NUBPL: variants seen among roughly 807,000 people sequenced by gnomAD.
The protein encoded by NUBPL is NUBP iron-sulfur cluster assembly factor, mitochondrial, also known as iron-sulfur cluster transfer protein NUBPL.
A neutral mutation model predicts 45.7 loss-of-function variants in NUBPL; 31 were observed. The ratio of observed to expected loss-of-function variants is 0.68; its 90% CI spans 0.51 to 0.92. The LOEUF (loss-of-function observed/expected upper bound fraction) is 0.92, where lower values mean the gene tolerates loss of function less well. Among genes scored for constraint, NUBPL ranks in the 40% least tolerant of loss-of-function variants. NUBPL has a pLI of 0.00. For missense variants in NUBPL, 401 were observed against 398.7 expected (o/e 1.01, Z -0.05); for synonymous variants, 144 against 140.9 (o/e 1.02, Z -0.15).
chr14:31,841,839 A>G (rs1181116913), intron 8 of NUBPL, among the ~76,000 whole-genome samples: 2 of 141,430 alleles, frequency 1.4e-5, no homozygotes, highest in Non-Finnish European at 3.0e-5. Flanking sequence ...TATTTTATAT[A>G]TGGATATCCA....
intron 4 of NUBPL, among the ~76,000 whole-genome samples, chr14:31,669,798 T>TTTTTTTG (rs2036527734): frequency 5.7e-5 from 1 of 17,522 alleles, no homozygotes; most frequent in Non-Finnish European, 1.3e-4. Flanking sequence ...ATGATCTTGG[T>TTTTTTTG]TTTTTTTTTT....
intron 6 of NUBPL, among the ~76,000 whole-genome samples, chr14:31,777,703 T>C (rs146116769): frequency 6.6e-6 from 1 of 152,298 alleles, no homozygotes; most frequent in African/African-American, 2.4e-5. Flanking sequence ...AGGTGTCCCT[T>C]TCAGAGATTT....
At chr14:31,574,585 T>C (rs1365559478) in intron 3 of NUBPL, among the ~76,000 whole-genome samples, 1 of 128,314 alleles carries the variant, frequency 7.8e-6, no homozygotes, top group African/African-American at 3.0e-5. Flanking sequence ...TTTCCTTCTT[T>C]TTTTTTTTTT....
At chr14:31,733,045 T>A (rs1308363757) in intron 6 of NUBPL, among the ~76,000 whole-genome samples, 1 of 152,232 alleles carries the variant, frequency 6.6e-6, no homozygotes, top group Non-Finnish European at 1.5e-5. Flanking sequence ...AATTAATTTT[T>A]GTGTATGGTG....
intron 4 of NUBPL, among the ~76,000 whole-genome samples, chr14:31,643,492 A>G (rs1300031431): frequency 2.0e-5 from 3 of 152,090 alleles, no homozygotes; most frequent in Non-Finnish European, 4.4e-5. Flanking sequence ...TATCCCTGGG[A>G]TGAATCCCAC....
chr14:31,570,976 G>A (rs2033566108), intron 3 of NUBPL, among the ~76,000 whole-genome samples: 1 of 152,156 alleles, frequency 6.6e-6, no homozygotes. Flanking sequence ...GGATGCTTTT[G>A]CTGATATTCA....
intron 4 of NUBPL, among the ~76,000 whole-genome samples, chr14:31,628,762 G>C (rs925071216): frequency 4.6e-5 from 7 of 152,108 alleles, no homozygotes; most frequent in Non-Finnish European, 1.0e-4. Flanking sequence ...TATGTAGCAG[G>C]GATGCTTGCT....
intron 6 of NUBPL, among the ~76,000 whole-genome samples, chr14:31,724,745 T>G (rs1295934346): frequency 6.6e-6 from 1 of 152,216 alleles, no homozygotes; most frequent in African/African-American, 2.4e-5. Context: ...ACCTTTGTCT[T>G]GTGGATCGTA....
chr14:31,787,273 G>A lies in NUBPL; in HGVS notation c.514-507G>A, dbSNP rs2138817474. Among the ~76,000 whole-genome samples, 3 of 152,164 alleles carry A rather than the reference G, an allele frequency of 2.0e-5. No homozygotes were observed. In the South Asian group the frequency reaches 6.2e-4, roughly 32 times the overall value. On this transcript the variant is annotated intron_variant, in intron 6 of 10. Coordinates refer to ENST00000281081, the MANE Select transcript of NUBPL (RefSeq NM_025152.3). ...TATTCTGGGTATAAATAAATGCCTT[G>A]AAAGAAAGAATCAAAATGTTAATAA...
chr14:31,826,551 A>G, intron 7 of NUBPL, 78 bp from the exon 8 acceptor site: 1 of 1,239,422 alleles, frequency 8.1e-7, no homozygotes, highest in Non-Finnish European at 1.2e-6. Context: ...CTATTTGCGT[A>G]TGTAAGCAAC....
At chr14:31,757,660 T>C (rs1021286617) in intron 6 of NUBPL, among the ~76,000 whole-genome samples, 10 of 152,150 alleles carry the variant, frequency 6.6e-5, no homozygotes, top group African/African-American at 2.4e-4. Context: ...CATAAATTGA[T>C]AATTTTTGAA....
chr14:31,775,956 G>A (rs969523132), intron 6 of NUBPL, among the ~76,000 whole-genome samples: 8 of 152,200 alleles, frequency 5.3e-5, no homozygotes, highest in Admixed American at 5.2e-4. Context: ...TTATGGTCAG[G>A]AAGGTCAGGA....
intron 7 of NUBPL, among the ~76,000 whole-genome samples, chr14:31,812,294 C>T (rs193162560): frequency 1.3e-5 from 2 of 152,058 alleles, no homozygotes; most frequent in East Asian, 3.9e-4. Context: ...GTGGTGGGCT[C>T]CACCTAGTTC....
intron 4 of NUBPL, among the ~76,000 whole-genome samples, chr14:31,637,076 G>C (rs1413826801): frequency 1.3e-5 from 2 of 152,204 alleles, no homozygotes; most frequent in Non-Finnish European, 2.9e-5. Context: ...GGGATTTTGT[G>C]TCTCTATTTC....
intron 6 of NUBPL, among the ~76,000 whole-genome samples, chr14:31,727,720 T>G (rs1422714171): frequency 6.6e-6 from 1 of 152,224 alleles, no homozygotes; most frequent in African/African-American, 2.4e-5. Context: ...AGTATTTACA[T>G]TGATATTTCC....
intron 6 of NUBPL, among the ~76,000 whole-genome samples, chr14:31,697,997 G>T (rs1423996670): frequency 6.6e-6 from 1 of 152,172 alleles, no homozygotes; most frequent in Non-Finnish European, 1.5e-5. Flanking sequence ...AGCAGGCGAT[G>T]AGAAGAGTAA....
intron 4 of NUBPL, among the ~76,000 whole-genome samples, chr14:31,663,586 C>G (rs916204578): frequency 1.3e-5 from 2 of 152,100 alleles, no homozygotes; most frequent in African/African-American, 4.8e-5. Context: ...CTGTTCTGTT[C>G]CATTGGTCCA....
chr14:31,727,357 A>G (rs2037948254), intron 6 of NUBPL, among the ~76,000 whole-genome samples: 2 of 152,204 alleles, frequency 1.3e-5, no homozygotes, highest in Non-Finnish European at 2.9e-5. Context: ...TCAGCCCCAA[A>G]TTACCTTGAC....
chr14:31,798,252 T>C (rs987900386), intron 7 of NUBPL, among the ~76,000 whole-genome samples: 3 of 152,096 alleles, frequency 2.0e-5, no homozygotes, highest in African/African-American at 7.2e-5. Context: ...TGCATTTTAT[T>C]TTATTTCCCC....
Sources: allele counts gnomAD v4.1 joint callset (sites outside exome capture counted in the v4.1 genomes callset), GRCh38; gene constraint gnomAD v4.1.1; transcripts MANE v1.5; gene names NCBI Gene and HGNC (gene_info 2026-07-23, HGNC 2026-07-21).